Variants in CENPW observed in about 807,000 individuals in gnomAD.
The protein encoded by CENPW is cancer-up-regulated gene 2 protein.
A neutral mutation model predicts 11.1 loss-of-function variants in CENPW; 3 were observed. The observed-to-expected ratio is 0.27, with a 90% confidence interval of 0.12 to 0.70. The LOEUF is 0.70. Ranked by LOEUF, CENPW falls within the 30% of genes least tolerant of loss-of-function variation. The pLI is 0.77. For synonymous variants in CENPW, 38 were observed against 42.0 expected (o/e 0.91, Z 0.37); for missense variants, 100 against 105.6 (o/e 0.95, Z 0.23).
chr6:126,442,781 C>T, the CENPW span, among the ~76,000 whole-genome samples: 1 of 151,318 alleles, frequency 6.6e-6, no homozygotes, highest in Admixed American at 6.6e-5. Flanking sequence ...TAATAGAATA[C>T]TACTTACATC....
the CENPW span, among the ~76,000 whole-genome samples, chr6:126,411,758 C>T: frequency 5.9e-3 from 896 of 152,150 alleles, 7 homozygotes; most frequent in Non-Finnish European, 0.01. Context: ...GGAACCTGAG[C>T]CAATAGTAAT....
chr6:126,395,838 C>T, the CENPW span, among the ~76,000 whole-genome samples: 1 of 152,162 alleles, frequency 6.6e-6, no homozygotes, highest in Non-Finnish European at 1.5e-5. Context: ...AATTCTCTGG[C>T]TTATCCGGCA....
chr6:126,474,454 A>G, the CENPW span, among the ~76,000 whole-genome samples: 1 of 152,084 alleles, frequency 6.6e-6, no homozygotes, highest in Non-Finnish European at 1.5e-5. Context: ...TCATATTCCT[A>G]AGGACGTGGA....
chr6:126,473,000 C>A, the CENPW span, among the ~76,000 whole-genome samples: 1 of 152,198 alleles, frequency 6.6e-6, no homozygotes, highest in Non-Finnish European at 1.5e-5. Context: ...AATTAAAATA[C>A]TGTAATATGC....
the CENPW span, among the ~76,000 whole-genome samples, chr6:126,379,339 T>A: frequency 6.6e-6 from 1 of 152,176 alleles, no homozygotes; most frequent in Non-Finnish European, 1.5e-5. Context: ...AAAGCTTTTT[T>A]CTTTAATATA....
the CENPW span, among the ~76,000 whole-genome samples, chr6:126,380,258 T>C: frequency 8.5e-5 from 13 of 152,232 alleles, 1 homozygote; most frequent in Middle Eastern, 3.4e-3. Context: ...TTTCAAATTG[T>C]GTATTGAATT....
intron 1 of CENPW, among the ~76,000 whole-genome samples, chr6:126,345,282 TATA>T (rs1392031017): frequency 3.9e-5 from 6 of 152,018 alleles, no homozygotes; most frequent in Non-Finnish European, 8.8e-5. Flanking sequence ...ATAATGTTGA[TATA>T]TATATTATCT....
chr6:126,400,788 A>T, the CENPW span, among the ~76,000 whole-genome samples: 2 of 151,876 alleles, frequency 1.3e-5, no homozygotes, highest in South Asian at 4.1e-4. Context: ...GAGTTTACTG[A>T]TTCATTCCTC....
At chr6:126,393,047 C>A in the CENPW span, among the ~76,000 whole-genome samples, 1 of 151,710 alleles carries the variant, frequency 6.6e-6, no homozygotes, top group South Asian at 2.1e-4. Context: ...AGGAATGTGT[C>A]CGTTTCTTTT....
At chr6:126,391,139 T>C in the CENPW span, among the ~76,000 whole-genome samples, 1 of 152,058 alleles carries the variant, frequency 6.6e-6, no homozygotes, top group Non-Finnish European at 1.5e-5. Context: ...CATTTGTCAT[T>C]GCCTGTCTTT....
At chr6:126,480,106 A>G in the CENPW span, among the ~76,000 whole-genome samples, 4 of 151,970 alleles carry the variant, frequency 2.6e-5, no homozygotes, top group East Asian at 1.9e-4. Flanking sequence ...TCCCCTTGCC[A>G]TATTTATAAT....
chr6:126,360,213 T>C, the CENPW span, among the ~76,000 whole-genome samples: 1 of 152,196 alleles, frequency 6.6e-6, no homozygotes, highest in Admixed American at 6.5e-5. Context: ...AAATTATTGG[T>C]TGGAATTGCT....
the CENPW span, among the ~76,000 whole-genome samples, chr6:126,362,272 A>T: frequency 1.3e-5 from 2 of 152,148 alleles, no homozygotes; most frequent in African/African-American, 4.8e-5. Context: ...ACAAAAGCTC[A>T]TGGGCTCTGT....
the CENPW span, among the ~76,000 whole-genome samples, chr6:126,442,170 T>C: frequency 6.6e-6 from 1 of 151,664 alleles, no homozygotes; most frequent in Non-Finnish European, 1.5e-5. Context: ...TGGAATCACA[T>C]TGTGGTTTTG....
chr6:126,394,925 G>A, the CENPW span, among the ~76,000 whole-genome samples: 5 of 151,556 alleles, frequency 3.3e-5, no homozygotes, highest in East Asian at 3.9e-4. Context: ...GTCTGCTGCC[G>A]GACGTATTGG....
At chr6:126,383,042 A>C in the CENPW span, among the ~76,000 whole-genome samples, 1 of 152,208 alleles carries the variant, frequency 6.6e-6, no homozygotes, top group Non-Finnish European at 1.5e-5. Context: ...GGTTATCTAC[A>C]AAGGGAAGTC....
chr6:126,369,408 G>A, the CENPW span, among the ~76,000 whole-genome samples: 1 of 152,170 alleles, frequency 6.6e-6, no homozygotes, highest in Non-Finnish European at 1.5e-5. Context: ...CTGTGGAAAA[G>A]TGTCCCCTTT....
At chr6:126,406,698 A>T in the CENPW span, among the ~76,000 whole-genome samples, 1 of 152,054 alleles carries the variant, frequency 6.6e-6, no homozygotes, top group Non-Finnish European at 1.5e-5. Flanking sequence ...CTAAAAATAC[A>T]AAAATTAGAC....
chr6:126,446,254 A>T, the CENPW span, among the ~76,000 whole-genome samples: 1 of 151,162 alleles, frequency 6.6e-6, no homozygotes, highest in African/African-American at 2.4e-5. Flanking sequence ...CTGCTGCTGG[A>T]GATATTATAA....
Sources: gnomAD v4.1 joint callset for allele counts (sites outside exome capture counted in the v4.1 genomes callset) on GRCh38, gnomAD v4.1.1 for gene constraint, MANE v1.5 for transcripts, NCBI Gene and HGNC (gene_info 2026-07-23, HGNC 2026-07-21) for gene names.